CACNA1D: variants seen among roughly 807,000 people sequenced by gnomAD.
CACNA1D encodes the protein calcium voltage-gated channel subunit alpha1 D.
A neutral mutation model predicts 257.1 loss-of-function variants in CACNA1D; 55 were observed. That is an observed-to-expected ratio of 0.21 (90% confidence interval 0.17 to 0.27). The LOEUF (loss-of-function observed/expected upper bound fraction) is 0.27, where lower values mean the gene tolerates loss of function less well. Ranked by LOEUF, CACNA1D falls within the 10% of genes least tolerant of loss-of-function variation. CACNA1D has a pLI of 1.00. For synonymous variants in CACNA1D, 980 were observed against 1,014.9 expected (o/e 0.97, Z 0.65); for missense variants, 1,876 against 2,784.0 (o/e 0.67, Z 7.34).
At chr3:53,784,043 T>G (rs1246147493) in intron 39 of CACNA1D, among the ~76,000 whole-genome samples, 1 of 152,134 alleles carries the variant, frequency 6.6e-6, no homozygotes, top group Admixed American at 6.5e-5. Context: ...TGCTGTGAGG[T>G]GTGGCCTGGC....
chr3:53,700,115 A>C (rs950668303), intron 8 of CACNA1D, among the ~76,000 whole-genome samples: 17 of 149,030 alleles, frequency 1.1e-4, no homozygotes, highest in African/African-American at 3.7e-4. Flanking sequence ...ATTATAATAC[A>C]TTATAAAATG....
intron 3 of CACNA1D, among the ~76,000 whole-genome samples, chr3:53,595,413 C>T (rs1424720193): frequency 6.6e-6 from 1 of 152,156 alleles, no homozygotes; most frequent in East Asian, 1.9e-4. Context: ...GCACCTTTCC[C>T]CCATCCCACC....
rs199513867 is a variant in CACNA1D at position 53,580,772 on chromosome 3, A to G, written c.484-70007A>G. 2.6e-5 allele frequency among the ~76,000 whole-genome samples: 4 copies of G among 152,224 alleles called. No homozygotes were observed. In the East Asian group the frequency reaches 7.7e-4, roughly 29 times the overall value. On this transcript the variant is annotated intron_variant, in intron 3 of 47. Coordinates refer to ENST00000350061, the MANE Select transcript of CACNA1D (RefSeq NM_001128840.3). ...AATGGGATACACCTGTCTTTCTTAAATTGCAGAAGTTCATTGCTTAAAGTA... is the reference window on the plus strand; with the variant it reads ...AATGGGATACACCTGTCTTTCTTAAGTTGCAGAAGTTCATTGCTTAAAGTA...
chr3:53,518,220 C>T (rs1001952138), intron 3 of CACNA1D, among the ~76,000 whole-genome samples: 1 of 152,216 alleles, frequency 6.6e-6, no homozygotes, highest in African/African-American at 2.4e-5. Context: ...GCAGCCCTGC[C>T]TTCTGAACCA....
intron 3 of CACNA1D, among the ~76,000 whole-genome samples, chr3:53,518,841 C>T (rs556603714): frequency 2.0e-5 from 3 of 152,316 alleles, no homozygotes; most frequent in East Asian, 1.9e-4. Context: ...ATCAGAATTA[C>T]GTGTCCAGCT....
chr3:53,762,477 T>TA, intron 30 of CACNA1D: 1 of 447,794 alleles, frequency 2.2e-6, no homozygotes, highest in Non-Finnish European at 4.5e-6. Flanking sequence ...TCCCCTTTTG[T>TA]AACACTGTCC....
At chr3:53,642,221 G>C (rs1368716586) in intron 3 of CACNA1D, among the ~76,000 whole-genome samples, 1 of 152,060 alleles carries the variant, frequency 6.6e-6, no homozygotes, top group Non-Finnish European at 1.5e-5. Context: ...TTTTTGGCTT[G>C]GCTTCCCTTG....
At chr3:53,705,908 C>G (rs2094683835) in intron 9 of CACNA1D, among the ~76,000 whole-genome samples, 1 of 152,178 alleles carries the variant, frequency 6.6e-6, no homozygotes, top group African/African-American at 2.4e-5. Context: ...TCAGTGAGGC[C>G]CACATGGTCC....
chr3:53,666,556 G>A (rs1490475834), intron 7 of CACNA1D, 21 bp downstream of exon 7: 2 of 1,590,270 alleles, frequency 1.3e-6, no homozygotes, highest in Admixed American at 1.7e-5. Flanking sequence ...TGGGGAGAGA[G>A]TTTATGGAGT....
rs201881377 is a variant in CACNA1D at position 53,673,785 on chromosome 3, G to T, written c.1220+659G>T. 2 of 1,613,734 alleles carry T rather than the reference G, an allele frequency of 1.2e-6. No homozygotes were observed. The highest frequency in any genetic ancestry group is 1.7e-6 in the Non-Finnish European group (2 of 1,179,722). ...TCTGATCATCCTTGGCTCATTTTTC[G>T]TCCTTAACCTGGTTCTTGGTGTCCT... On this transcript the variant is annotated intron_variant, in intron 8 of 47. Transcript: ENST00000350061. The surrounding 1 kb of genome is among the most constrained non-coding windows in gnomAD (Gnocchi z 4.1).
chr3:53,677,074 A>C (rs17238364), intron 8 of CACNA1D, among the ~76,000 whole-genome samples: 49,446 of 152,058 alleles, frequency 0.33, 8,009 homozygotes, highest in Middle Eastern at 0.41. Context: ...TCAAATTGTT[A>C]ATTGAACTCC....
intron 3 of CACNA1D, among the ~76,000 whole-genome samples, chr3:53,569,028 C>T (rs1359013231): frequency 6.6e-6 from 1 of 152,182 alleles, no homozygotes; most frequent in Non-Finnish European, 1.5e-5. Context: ...CTCATCTTCT[C>T]ATGGCTCCCA....
rs570720277 is a variant in CACNA1D at position 53,706,120 on chromosome 3, G to A, written c.1390+3310G>A. Among the ~76,000 whole-genome samples, 20 of 152,322 alleles carry A rather than the reference G, an allele frequency of 1.3e-4. No homozygotes were observed. In the South Asian group the frequency reaches 2.3e-3, roughly 17 times the overall value. ...TGTTACCTCTTGAGAGGAGGATGGC[G>A]CAGGGCCCGGGCTCCTGACTTTGTC... On this transcript the variant is annotated intron_variant, in intron 9 of 47. Transcript: ENST00000350061.
At chr3:53,776,467 A>C in intron 35 of CACNA1D, 136 bp from the exon 36 acceptor site, 1 of 1,035,734 alleles carries the variant, frequency 9.7e-7, no homozygotes, top group Non-Finnish European at 1.4e-6. Context: ...AACATTCTCC[A>C]AATAGAAAGT....
intron 9 of CACNA1D, among the ~76,000 whole-genome samples, 171 bp from the exon 10 acceptor site, chr3:53,718,130 G>C (rs191366829): frequency 6.6e-6 from 1 of 152,300 alleles, no homozygotes; most frequent in Non-Finnish European, 1.5e-5. Context: ...GCCTGCAGTG[G>C]AGATGCCTGG....
At chr3:53,557,101 TTA>T (rs1234554764) in intron 3 of CACNA1D, among the ~76,000 whole-genome samples, 1 of 152,206 alleles carries the variant, frequency 6.6e-6, no homozygotes, top group African/African-American at 2.4e-5. Context: ...CTTTTATGAG[TTA>T]TACTTTTGAT....
At chr3:53,688,712 C>T (rs1030246237) in intron 8 of CACNA1D, among the ~76,000 whole-genome samples, 2 of 152,216 alleles carry the variant, frequency 1.3e-5, no homozygotes, top group African/African-American at 4.8e-5. Context: ...TTCTCTAAGT[C>T]TGACTGTCAT....
At position 53,752,162 on chromosome 3, in the gene CACNA1D, A is replaced by C. The variant is rs183525723; in HGVS notation, c.3675+255A>C. 2.0e-5 allele frequency among the ~76,000 whole-genome samples: 3 copies of C among 152,292 alleles called. No homozygotes were observed. In the East Asian group the frequency reaches 5.8e-4, roughly 29 times the overall value. ...TCCATGGAGCCTGGCATTGGTGCTC[A>C]ATTCTGTAAACATTTACCATGGGCC... On this transcript the variant is annotated intron_variant, in intron 28 of 47. Transcript: ENST00000350061.
rs1214041638 is a variant in CACNA1D, at chr3:53,753,564, A to C, written c.3676-8A>C. On this transcript the variant is annotated splice_polypyrimidine_tract_variant and splice_region_variant and intron_variant, in intron 28 of 47. Coordinates refer to ENST00000350061, the MANE Select transcript of CACNA1D (RefSeq NM_001128840.3). ...CTCTGAGAACGGTCCCTCTGTCTTC[A>C]TCCATAGCACTACGAGCAGTCCAAG... The C allele has an allele frequency of 6.4e-7, 1 of 1,565,096 alleles. No individual in the cohort carries two copies. The highest frequency in any genetic ancestry group is 1.4e-5 in the African/African-American group (1 of 73,966).
Sources: gnomAD v4.1 joint callset for allele counts (sites outside exome capture counted in the v4.1 genomes callset) on GRCh38, gnomAD v4.1.1 for gene constraint, Gnocchi (gnomAD v3.1) non-coding constraint, MANE v1.5 for transcripts, NCBI Gene and HGNC (gene_info 2026-07-23, HGNC 2026-07-21) for gene names.